RBFOX1: variants seen among roughly 807,000 people sequenced by gnomAD.
RBFOX1 encodes the protein RNA binding protein fox-1 homolog 1.
A neutral mutation model predicts 57.7 loss-of-function variants in RBFOX1; 8 were observed. The ratio of observed to expected loss-of-function variants is 0.14; its 90% CI spans 0.08 to 0.25. RBFOX1 has a LOEUF of 0.25. Among genes scored for constraint, RBFOX1 ranks in the 10% least tolerant of loss-of-function variants. The pLI, the probability that RBFOX1 is intolerant of heterozygous loss-of-function variation, is 1.00. For synonymous variants in RBFOX1, 326 were observed against 222.4 expected (o/e 1.47, Z -4.15); for missense variants, 611 against 548.5 (o/e 1.11, Z -1.14).
At chr16:7,469,120 G>A (rs1450294344) in intron 4 of RBFOX1, among the ~76,000 whole-genome samples, 1 of 152,094 alleles carries the variant, frequency 6.6e-6, no homozygotes, top group African/African-American at 2.4e-5. Flanking sequence ...ATTTTTAGTA[G>A]AGACGGGGTT....
intron 3 of RBFOX1, among the ~76,000 whole-genome samples, chr16:6,734,482 A>G (rs905023212): frequency 6.6e-6 from 1 of 152,204 alleles, no homozygotes; most frequent in Non-Finnish European, 1.5e-5. Flanking sequence ...CTCATTACAG[A>G]TGAGGACATG....
intron 3 of RBFOX1, among the ~76,000 whole-genome samples, chr16:7,047,616 A>C (rs11646330): frequency 4.7e-5 from 5 of 105,660 alleles, no homozygotes; most frequent in African/African-American, 1.1e-4. Flanking sequence ...ATTATTTCTT[A>C]ATTTTTTTTT....
At chr16:5,775,921 C>G (rs2054132180) in intron 3 of RBFOX1, among the ~76,000 whole-genome samples, 1 of 152,154 alleles carries the variant, frequency 6.6e-6, no homozygotes, top group South Asian at 2.1e-4. Context: ...GTCTCTGGAC[C>G]TTGAGGTGCC....
At chr16:5,659,494 G>A (rs922493061) in intron 3 of RBFOX1, among the ~76,000 whole-genome samples, 2 of 152,002 alleles carry the variant, frequency 1.3e-5, no homozygotes, top group Non-Finnish European at 2.9e-5. Context: ...TAGTAGAGAC[G>A]GGGTTTTACC....
At chr16:5,949,601 C>G (rs532335631) in intron 4 of RBFOX1, among the ~76,000 whole-genome samples, 4 of 151,188 alleles carry the variant, frequency 2.6e-5, no homozygotes. Context: ...TACAATGTCT[C>G]GAGTCTTTTG....
intron 3 of RBFOX1, among the ~76,000 whole-genome samples, chr16:6,701,192 C>G (rs1856744235): frequency 6.6e-6 from 1 of 152,108 alleles, no homozygotes; most frequent in African/African-American, 2.4e-5. Flanking sequence ...GACTTTACCT[C>G]CTACCTCTCT....
chr16:6,006,780 G>C (rs1328730858), intron 4 of RBFOX1, among the ~76,000 whole-genome samples: 1 of 152,224 alleles, frequency 6.6e-6, no homozygotes, highest in Admixed American at 6.5e-5. Flanking sequence ...GGCCAGACAA[G>C]AGGCGATAAG....
intron 3 of RBFOX1, among the ~76,000 whole-genome samples, chr16:6,961,875 G>C (rs1319581057): frequency 6.6e-6 from 1 of 152,106 alleles, no homozygotes; most frequent in Non-Finnish European, 1.5e-5. Context: ...GTTTGGGTGG[G>C]TTTTAGCTGG....
At chr16:7,202,882 C>A (rs1400942653) in intron 4 of RBFOX1, among the ~76,000 whole-genome samples, 1 of 152,164 alleles carries the variant, frequency 6.6e-6, no homozygotes, top group East Asian at 1.9e-4. Flanking sequence ...TGAAGTACAG[C>A]CTCAAAGAAA....
intron 2 of RBFOX1, among the ~76,000 whole-genome samples, chr16:6,593,223 C>T (rs2097737698): frequency 6.6e-6 from 1 of 152,098 alleles, no homozygotes; most frequent in Admixed American, 6.6e-5. Flanking sequence ...GAGTGGAGAT[C>T]ACCCTCTTCC....
At chr16:7,184,536 G>A (rs2083344355) in intron 4 of RBFOX1, among the ~76,000 whole-genome samples, 1 of 152,216 alleles carries the variant, frequency 6.6e-6, no homozygotes, top group Non-Finnish European at 1.5e-5. Flanking sequence ...TTAGCCAAGT[G>A]ATTGAAGTAT....
At chr16:5,893,102 A>G (rs921973596) in intron 4 of RBFOX1, among the ~76,000 whole-genome samples, 1 of 152,214 alleles carries the variant, frequency 6.6e-6, no homozygotes, top group African/African-American at 2.4e-5. Context: ...ATGTGTATGC[A>G]AGTTTGGCAT....
intron 4 of RBFOX1, among the ~76,000 whole-genome samples, chr16:7,186,738 A>C (rs974466455): frequency 5.3e-5 from 8 of 150,254 alleles, no homozygotes; most frequent in African/African-American, 1.7e-4. Flanking sequence ...TAGAGATTCT[A>C]TATGAAGCAA....
chr16:5,384,668 C>T (rs952501458), intron 1 of RBFOX1, among the ~76,000 whole-genome samples: 7 of 152,108 alleles, frequency 4.6e-5, no homozygotes, highest in African/African-American at 1.4e-4. Flanking sequence ...TGATAGTTTT[C>T]GGAGAAGAGC....
At chr16:7,526,951 C>G (rs562044518) in intron 5 of RBFOX1, among the ~76,000 whole-genome samples, 36 of 152,202 alleles carry the variant, frequency 2.4e-4, no homozygotes, top group Non-Finnish European at 5.0e-4. Flanking sequence ...CCACACTGGC[C>G]TCTTTTCTAA....
At position 7,106,463 on chromosome 16, in the gene RBFOX1, AG is replaced by A. The variant is rs139411495; in HGVS notation, c.27+54366del. Among the ~76,000 whole-genome samples the A allele has an allele frequency of 3.1e-3, 476 of 152,274 alleles. 3 individuals are homozygous for A. Among genetic ancestry groups the A allele is most frequent in the Non-Finnish European group, 5.4e-3 (368 of 68,016 alleles). On this transcript the variant is annotated intron_variant, in intron 4 of 15. Coordinates refer to ENST00000550418, the MANE Select transcript of RBFOX1 (RefSeq NM_018723.4). ...AGAAAAAAACACCCTTGGGATTGTA[AG>A]TGATGAACTTAAGTCTTTGGGATTC...
Position 6,868,982 on chromosome 16 carries a change from C to G in RBFOX1, c.-15-183075C>G, listed in dbSNP as rs139538951. ...ACATGAGGTGAGAGAAACCGTCTGTCAGCTCATGTCCCTGAGTGACTACAA... is the reference window on the plus strand; with the variant it reads ...ACATGAGGTGAGAGAAACCGTCTGTGAGCTCATGTCCCTGAGTGACTACAA... On this transcript the variant is annotated intron_variant, in intron 3 of 15. Coordinates refer to ENST00000550418, the MANE Select transcript of RBFOX1 (RefSeq NM_018723.4). Among the ~76,000 whole-genome samples, 936 of 152,258 alleles carry G rather than the reference C, an allele frequency of 6.1e-3. 14 individuals are homozygous for G. The highest frequency in any genetic ancestry group is 0.021 in the African/African-American group (887 of 41,544).
chr16:6,738,188 A>G lies in RBFOX1; in HGVS notation c.-16+83538A>G, dbSNP rs906000406. On this transcript the variant is annotated intron_variant, in intron 3 of 15. Coordinates refer to ENST00000550418, the MANE Select transcript of RBFOX1 (RefSeq NM_018723.4). ...TATGATGATCAAAACACATGGAACAATGGTTTGCATAACACTGTACATCAA... is the reference window on the plus strand; with the variant it reads ...TATGATGATCAAAACACATGGAACAGTGGTTTGCATAACACTGTACATCAA... Among the ~76,000 whole-genome samples, 13 of 152,246 alleles carry G rather than the reference A, an allele frequency of 8.5e-5. No homozygotes were observed. In the South Asian group the frequency reaches 2.1e-3, roughly 24 times the overall value.
intron 15 of RBFOX1, chr16:7,709,880 A>T: frequency 9.1e-7 from 1 of 1,103,228 alleles, no homozygotes; most frequent in Non-Finnish European, 1.1e-6. Context: ...ATATGCAATC[A>T]TTACAAAGCT....
Sources: gnomAD v4.1 joint callset for allele counts (sites outside exome capture counted in the v4.1 genomes callset) on GRCh38, gnomAD v4.1.1 for gene constraint, MANE v1.5 for transcripts, NCBI Gene and HGNC (gene_info 2026-07-23, HGNC 2026-07-21) for gene names.